The following LARP6 variants were observed in gnomAD, a reference collection of about 807,000 sequenced individuals.
LARP6 encodes the protein La ribonucleoprotein 6, translational regulator.
LARP6 carries 18 observed loss-of-function variants against 32.8 expected under a neutral mutation model. That is an observed-to-expected ratio of 0.55 (90% CI 0.38 to 0.81). LARP6 has a LOEUF of 0.81. LARP6 is among the 40% of genes least tolerant of loss of function. LARP6 has a pLI of 0.00. For synonymous variants in LARP6, 289 were observed against 267.2 expected, an observed-to-expected ratio of 1.08 and a Z score of -0.80; for missense variants, 598 against 663.1, an observed-to-expected ratio of 0.90 and a Z score of 1.08.
intron 1 of LARP6, among the ~76,000 whole-genome samples, chr15:70,848,413 C>T (rs2032386144): frequency 6.6e-6 from 1 of 152,154 alleles, no homozygotes; most frequent in Admixed American, 6.5e-5. Context: ...CTTAGTTCTA[C>T]ATCTGACAAA....
chr15:70,839,452 AAT>A (rs1241068717), intron 1 of LARP6, among the ~76,000 whole-genome samples: 28 of 144,326 alleles, frequency 1.9e-4, no homozygotes, highest in South Asian at 1.3e-3. Context: ...AAAAAAAAAA[AAT>A]GTATAGTGAA....
chr15:70,854,062 C>T lies in LARP6; in HGVS notation c.27G>A (p.Arg9=). ...TCTGCACCGCCGTCTTGGGCCCGGG[C>T]CGAGCCTCCCCGCCGGACTGGGCCA... MAQSGGEA[R]PGPKTAVQIR... Residue 9 remains arginine, a synonymous_variant, in exon 1 of 3, where the codon CGG becomes CGA. Transcript: ENST00000299213. The T allele has an allele frequency of 7.2e-7, 1 of 1,382,104 alleles. No homozygotes were observed. Among genetic ancestry groups the T allele is most frequent in the Middle Eastern group, 2.0e-4 (1 of 5,016 alleles). 85.6% of individuals were successfully genotyped at this position (1,382,104 alleles called of 1,614,324 possible).
intron 1 of LARP6, among the ~76,000 whole-genome samples, chr15:70,837,244 G>A (rs911736656): frequency 1.3e-5 from 2 of 152,074 alleles, no homozygotes; most frequent in Non-Finnish European, 2.9e-5. Flanking sequence ...TTAGCCAGGT[G>A]TGGTGGTGCA....
chr15:70,849,187 T>C (rs1322236711), intron 1 of LARP6: 3 of 152,068 alleles, frequency 2.0e-5, no homozygotes, highest in Admixed American at 6.5e-5. Context: ...TGAAATCCCG[T>C]CTCTATTAAA....
At chr15:70,848,678 G>A (rs2032391296) in intron 1 of LARP6, among the ~76,000 whole-genome samples, 2 of 152,064 alleles carry the variant, frequency 1.3e-5, no homozygotes, top group African/African-American at 4.8e-5. Context: ...GTTGCAGTGA[G>A]CCAAGATGGT....
At position 70,832,448 on chromosome 15, in the gene LARP6, C is replaced by T. The variant is rs201156533; in HGVS notation, c.1080G>A (p.Lys360=). 37 of 1,564,166 alleles carry T rather than the reference C, an allele frequency of 2.4e-5. 1 individual carries two copies. In the Admixed American group the frequency reaches 2.7e-4, roughly 11 times the overall value. Residue 360 remains lysine (K), a synonymous_variant, in exon 3 of 3, where the codon AAG becomes AAA. Transcript: ENST00000299213. ...GATTCTGGTGGCCAGACGGGCTGAG[C>T]TTGTTGGTGGCCGCGTGCCGTCGGC... ...MAGRRHAATN[K]LSPSGHQNLF...
rs2032075818 is a variant in LARP6 at position 70,832,769 on chromosome 15, C to T, written c.759G>A (p.Val253=). 6.2e-7 allele frequency: 1 copy of T among 1,605,724 alleles called. No individual in the cohort carries two copies. Among genetic ancestry groups the T allele is most frequent in the Non-Finnish European group, 8.5e-7 (1 of 1,176,758 alleles). The change falls in exon 3 of 3, where the codon GTG becomes GTA. Residue 253 remains valine, a synonymous_variant. Coordinates refer to ENST00000299213, the MANE Select transcript of LARP6 (RefSeq NM_018357.4). ...IRRISSRYSQ[V]GTQECAIVEF... is the part of the protein sequence containing the mutation. ...CCACGATGGCGCACTCCTGGGTCCC[C>T]ACTTGGCTGTAGCGGCTGCTGATCC...
chr15:70,831,055 C>T lies in LARP6; in HGVS notation c.*997G>A, dbSNP rs935795842. ...CTTTGTCCATCCAGTGGTTCTCCAG[C>T]GTGCATCAGAATCACCTGCAGCGTT... On this transcript the variant is annotated 3_prime_UTR_variant, in exon 3 of 3. Transcript: ENST00000299213. 8 of 152,234 alleles carry T rather than the reference C, an allele frequency of 5.3e-5. No homozygotes were observed. The highest frequency in any genetic ancestry group is 1.9e-4 in the African/African-American group (8 of 41,456). The allele number at this position is 152,234 out of a possible 1,614,324, so 9.4% of individuals were successfully genotyped here. A position where few individuals can be genotyped will look rare whatever the true frequency, so the allele number is the denominator to read the frequency against.
intron 1 of LARP6, among the ~76,000 whole-genome samples, chr15:70,852,911 T>C (rs1281510936): frequency 6.6e-6 from 1 of 152,144 alleles, no homozygotes; most frequent in Non-Finnish European, 1.5e-5. Context: ...GAAGTAGATA[T>C]ACGCTTGCCA....
At chr15:70,850,288 C>T (rs906283160) in intron 1 of LARP6, among the ~76,000 whole-genome samples, 3 of 152,174 alleles carry the variant, frequency 2.0e-5, no homozygotes, top group African/African-American at 7.2e-5. Context: ...ATTTAAAGAA[C>T]AACTAATACC....
intron 1 of LARP6, chr15:70,852,002 T>C: frequency 2.3e-6 from 1 of 440,618 alleles, no homozygotes; most frequent in South Asian, 2.2e-5. Context: ...GCGTGAACTG[T>C]TGAGGCAATG....
At position 70,832,068 on chromosome 15, in the gene LARP6, C is replaced by G. The variant is rs745559555; in HGVS notation, c.1460G>C (p.Ser487Thr). 6 of 1,522,452 alleles carry G rather than the reference C, an allele frequency of 3.9e-6. No individual in the cohort carries two copies. Among genetic ancestry groups the G allele is most frequent in the Non-Finnish European group, 5.3e-6 (6 of 1,135,924 alleles). 94.3% of individuals were successfully genotyped at this position (1,522,452 alleles called of 1,614,324 possible). The change falls in exon 3 of 3, where the codon AGC becomes ACC. Residue 487 changes from serine (S) to threonine (T), a missense_variant. By Grantham distance (58) the Ser-to-Thr change is moderately conservative. Transcript: ENST00000299213. Reference sequence around the variant, plus strand: ...AGAAGGTATTTATACACAGGCCCTGCTCCTCTCATGGCCATGAAATCCTCT... The same window carrying G: ...AGAAGGTATTTATACACAGGCCCTGGTCCTCTCATGGCCATGAAATCCTCT... ...NTRGFHGHER[S>T]RACV
intron 1 of LARP6, among the ~76,000 whole-genome samples, chr15:70,852,980 G>A (rs2032515801): frequency 6.6e-6 from 1 of 152,182 alleles, no homozygotes; most frequent in Non-Finnish European, 1.5e-5. Context: ...AGAAGAAAGA[G>A]AGCTCCTAAT....
At chr15:70,837,995 C>T (rs993532544) in intron 1 of LARP6, among the ~76,000 whole-genome samples, 4 of 152,108 alleles carry the variant, frequency 2.6e-5, no homozygotes, top group African/African-American at 9.7e-5. Flanking sequence ...TCATATACAC[C>T]TTATACAGAT....
At chr15:70,843,649 CTTTTT>C (rs67996815) in intron 1 of LARP6, among the ~76,000 whole-genome samples, 1 of 80,590 alleles carries the variant, frequency 1.2e-5, no homozygotes, top group Non-Finnish European at 2.3e-5. Flanking sequence ...GTTTTGGTGT[CTTTTT>C]TTTTTTTTTT....
At chr15:70,852,186 T>A (rs755210162) in intron 1 of LARP6, 3 of 415,646 alleles carry the variant, frequency 7.2e-6, no homozygotes, top group South Asian at 5.3e-5. Context: ...CTACATCTCC[T>A]CCTGCTCTGG....
chr15:70,833,248 AC>A (rs2032089110), intron 2 of LARP6, 132 bp from the exon 3 acceptor site: 1 of 699,994 alleles, frequency 1.4e-6, no homozygotes, highest in East Asian at 2.6e-5. Flanking sequence ...CTAGAATCAT[AC>A]GTGGTATGTG....
At chr15:70,839,345 C>T (rs191802705) in intron 1 of LARP6, among the ~76,000 whole-genome samples, 177 of 151,282 alleles carry the variant, frequency 1.2e-3, no homozygotes, top group African/African-American at 3.6e-3. Context: ...AAGGCTGAGG[C>T]AGGAGAATCC....
chr15:70,829,637 A>G lies in LARP6; in HGVS notation c.*2415T>C, dbSNP rs1437497300. ...TTTAAGGAACATCTTCTTGTTATCCACTGGTTTGTGGGAAGAACTGTGAAC... is the reference window on the plus strand; with the variant it reads ...TTTAAGGAACATCTTCTTGTTATCCGCTGGTTTGTGGGAAGAACTGTGAAC... On this transcript the variant is annotated 3_prime_UTR_variant, in exon 3 of 3. Transcript: ENST00000299213. The G allele has an allele frequency of 6.6e-6, 1 of 152,168 alleles. No homozygotes were observed. The highest frequency in any genetic ancestry group is 1.5e-5 in the Non-Finnish European group (1 of 68,030). The allele number at this position is 152,168 out of a possible 1,614,324, so 9.4% of individuals were successfully genotyped here.
Sources: allele counts gnomAD v4.1 joint callset (sites outside exome capture counted in the v4.1 genomes callset), GRCh38; gene constraint gnomAD v4.1.1; transcripts MANE v1.5; gene names NCBI Gene and HGNC (gene_info 2026-07-23, HGNC 2026-07-21).